The following NBPF14 variants were observed in gnomAD, a reference collection of about 807,000 sequenced individuals.
NBPF14 encodes NBPF family member NBPF14.
NBPF14 carries 104 observed loss-of-function variants against 91.2 expected under a neutral mutation model. That is an observed-to-expected ratio of 1.14 (90% confidence interval 0.97 to 1.34). The LOEUF is 1.34. Ranked by LOEUF, NBPF14 falls within the 40% of genes most tolerant of loss-of-function variation. The probability of loss-of-function intolerance (pLI) is 0.00; values close to 1 mark genes in which losing one functional copy is unlikely to be tolerated. For missense variants in NBPF14, 908 were observed against 783.0 expected, an observed-to-expected ratio of 1.16 and a Z score of -1.91; for synonymous variants, 294 against 303.8, an observed-to-expected ratio of 0.97 and a Z score of 0.34.
chr1:148,532,913 GC>G (rs1653932767), exon 71 of NBPF14: 6 of 615,160 alleles, frequency 9.8e-6, no homozygotes, highest in Non-Finnish European at 1.7e-5. Context: ...CTATGTCTGG[GC>G]TTCCAAATGG....
intron 68 of NBPF14, among the ~76,000 whole-genome samples, chr1:148,535,060 G>C (rs1274609615): frequency 2.0e-5 from 3 of 146,760 alleles, no homozygotes; most frequent in Admixed American, 1.4e-4. Flanking sequence ...GAGAGGGAGA[G>C]AGAGAGAGAG....
chr1:148,551,769 G>C (rs1490517115), intron 47 of NBPF14, among the ~76,000 whole-genome samples: 1 of 18,828 alleles, frequency 5.3e-5, no homozygotes, highest in East Asian at 1.6e-3. Flanking sequence ...GGTATGGCCT[G>C]AGACTAGGAA....
At position 148,587,429 on chromosome 1, in the gene NBPF14, T is replaced by A; in HGVS notation, c.989-26A>T. 1.9e-6 allele frequency: 3 copies of A among 1,557,828 alleles called. No homozygotes were observed. The African/African-American group carries it at 4.3e-5, about 22-fold the overall frequency. On this transcript the variant is annotated intron_variant, in intron 7 of 70. Coordinates refer to ENST00000619423, the Ensembl canonical transcript of NBPF14. ...CTGAGAAAAGACAGACACACCTACC[T>A]CAGTGGAAGGCTGGACATGCTGCTG... is the stretch of plus-strand genomic sequence containing the variant.
At chr1:148,590,301 C>A (rs1366012033) in intron 6 of NBPF14, among the ~76,000 whole-genome samples, 1 of 143,454 alleles carries the variant, frequency 7.0e-6, no homozygotes, top group African/African-American at 2.5e-5. Context: ...TCATGATCCA[C>A]CCGCCTCGGC....
At chr1:148,542,961 CAG>C (rs1160999375) in intron 58 of NBPF14, among the ~76,000 whole-genome samples, 3,323 of 15,640 alleles carry the variant, frequency 0.21, 41 homozygotes, top group Middle Eastern at 0.33. Context: ...CACACACACA[CAG>C]AGAGAGAGAG....
intron 70 of NBPF14, 49 bp from the exon 71 acceptor site, chr1:148,533,297 C>G (rs782213204): frequency 5.8e-6 from 3 of 516,752 alleles, no homozygotes; most frequent in East Asian, 6.2e-5. Context: ...AATCAGACAC[C>G]ACAGAGCCCC....
At chr1:148,557,129 C>T (rs1334767998) in intron 40 of NBPF14, among the ~76,000 whole-genome samples, 1 of 123,528 alleles carries the variant, frequency 8.1e-6, no homozygotes, top group Non-Finnish European at 1.6e-5. Context: ...GTCCAGGTGA[C>T]ACACTGATGA....
exon 71 of NBPF14, chr1:148,532,292 T>A (rs1653871175): frequency 6.5e-6 from 1 of 153,654 alleles, no homozygotes; most frequent in South Asian, 2.0e-4. Flanking sequence ...GTTCATATTC[T>A]GCACCGGCAG....
At chr1:148,538,262 C>T (rs1474181231) in intron 64 of NBPF14, among the ~76,000 whole-genome samples, 999 of 57,926 alleles carry the variant, frequency 0.017, 15 homozygotes, top group African/African-American at 0.064. Flanking sequence ...AGAGAGAGAA[C>T]GAGCTCAGTG....
Position 148,595,541 on chromosome 1 carries a change from A to C in NBPF14, c.175+2T>G, listed in dbSNP as rs1663185018. On this transcript the variant is annotated splice_donor_variant, in intron 2 of 70. Coordinates refer to ENST00000619423, the Ensembl canonical transcript of NBPF14. LOFTEE classifies it high-confidence loss of function. ...TCATGATGGTGAGCCTATAGATCTTACTGTATTTCTTCTGTTGGTTGGCCA... is the reference window on the plus strand; with the variant it reads ...TCATGATGGTGAGCCTATAGATCTTCCTGTATTTCTTCTGTTGGTTGGCCA... 6.3e-7 allele frequency: 1 copy of C among 1,580,606 alleles called. No individual in the cohort carries two copies. The highest frequency in any genetic ancestry group is 8.6e-7 in the Non-Finnish European group (1 of 1,157,660).
At chr1:148,542,274 G>C in intron 59 of NBPF14, among the ~76,000 whole-genome samples, 1 of 64,544 alleles carries the variant, frequency 1.5e-5, no homozygotes, top group Non-Finnish European at 2.4e-5. Flanking sequence ...CAAAATCATA[G>C]TTCTCTGAAT....
In NBPF14 at chr1:148,587,293, C is replaced by A. The variant is rs1402332954; in HGVS notation, c.1091+8G>T. ...GCCCCCCTGCCTGCCCCCATGGGGT[C>A]CCCTCACCTGAGCTCCTCAGCTTGC... On this transcript the variant is annotated splice_region_variant and intron_variant, in intron 8 of 70. Coordinates refer to ENST00000619423, the Ensembl canonical transcript of NBPF14. 10 of 1,576,778 alleles carry A rather than the reference C, an allele frequency of 6.3e-6. 2 individuals are homozygous for A. The highest frequency in any genetic ancestry group is 8.7e-6 in the Non-Finnish European group (10 of 1,154,598).
At position 148,577,471 on chromosome 1, in the gene NBPF14, T is replaced by C. The variant is rs1387169064; in HGVS notation, c.1854-116A>G. The C allele has an allele frequency of 1.0e-3, 727 of 699,538 alleles. 11 individuals are homozygous for C. Among genetic ancestry groups the C allele is most frequent in the South Asian group, 2.6e-3 (169 of 65,010 alleles). 43.3% of individuals were successfully genotyped at this position (699,538 alleles called of 1,614,324 possible). On this transcript the variant is annotated intron_variant, in intron 14 of 70. Transcript: ENST00000619423. ...TTTGAAAAGAAAAAGGACAGATCCA[T>C]TAATGAGGTAACAAATTATTGCCTT... is the stretch of plus-strand genomic sequence containing the variant.
At chr1:148,534,622 G>C in intron 69 of NBPF14, 62 bp downstream of exon 69, 2 of 904,976 alleles carry the variant, frequency 2.2e-6, no homozygotes, top group Non-Finnish European at 3.7e-6. Context: ...CTTGGAATAG[G>C]AATATCACCC....
intron 11 of NBPF14, among the ~76,000 whole-genome samples, chr1:148,584,250 A>T (rs1384818873): frequency 8.6e-4 from 130 of 151,940 alleles, no homozygotes; most frequent in Non-Finnish European, 7.8e-4. Flanking sequence ...TCAGGTGACT[A>T]TGAGATTGTC....
At chr1:148,595,415 A>G in intron 2 of NBPF14, 128 bp downstream of exon 2, 1 of 1,188,088 alleles carries the variant, frequency 8.4e-7, no homozygotes, top group Non-Finnish European at 1.2e-6. Flanking sequence ...ATGTTAAAAT[A>G]CCCATTTCTG....
chr1:148,585,469 T>C (rs1162080948), intron 9 of NBPF14, among the ~76,000 whole-genome samples: 1 of 151,460 alleles, frequency 6.6e-6, no homozygotes, highest in East Asian at 1.9e-4. Context: ...CACTGGAGGC[T>C]TGTGCAGCCT....
At chr1:148,539,377 G>A in intron 63 of NBPF14, 33 bp downstream of exon 63, 1 of 466,932 alleles carries the variant, frequency 2.1e-6, no homozygotes, top group Admixed American at 3.2e-5. Context: ...AAGACCAGGT[G>A]GAGGCTTATC....
At chr1:148,534,898 C>G in intron 68 of NBPF14, 42 bp from the exon 69 acceptor site, 3 of 717,646 alleles carry the variant, frequency 4.2e-6, no homozygotes, top group South Asian at 1.5e-5. Context: ...CAGGGGGAAT[C>G]AGAAACCACA....
Sources: gnomAD v4.1 joint callset for allele counts (sites outside exome capture counted in the v4.1 genomes callset) on GRCh38, gnomAD v4.1.1 for gene constraint, MANE v1.5 for transcripts, NCBI Gene and HGNC (gene_info 2026-07-23, HGNC 2026-07-21) for gene names.